The following LPAR5 variants were observed in gnomAD, a reference collection of about 807,000 sequenced individuals.
LPAR5 encodes G protein-coupled receptor 92.
For synonymous variants in LPAR5, 271 were observed against 261.6 expected, an observed-to-expected ratio of 1.04 and a Z score of -0.35; for missense variants, 544 against 521.8, an observed-to-expected ratio of 1.04 and a Z score of -0.41.
Position 6,620,104 on chromosome 12 carries a change from C to A in LPAR5, c.*26G>T. 1 of 1,613,344 alleles carries A rather than the reference C, an allele frequency of 6.2e-7. No homozygotes were observed. The highest frequency in any genetic ancestry group is 8.5e-7 in the Non-Finnish European group (1 of 1,179,766). Reference sequence around the variant, plus strand: ...AGAACGAGAGGCGTTGGGAGTCGGGCACGGACAGCGCAATGGCATGTGTGT... The same window carrying A: ...AGAACGAGAGGCGTTGGGAGTCGGGAACGGACAGCGCAATGGCATGTGTGT... On this transcript the variant is annotated 3_prime_UTR_variant, in exon 2 of 2. Transcript: ENST00000329858. The surrounding 1 kb of genome is among the most constrained non-coding windows in gnomAD (Gnocchi z 6.8).
chr12:6,631,138 C>T (rs1334861296), intron 1 of LPAR5, among the ~76,000 whole-genome samples: 1 of 152,126 alleles, frequency 6.6e-6, no homozygotes, highest in Admixed American at 6.5e-5. Flanking sequence ...CATGGAGGCC[C>T]CCATAGGCTG....
At chr12:6,633,374 G>T (rs1948992729) in intron 1 of LPAR5, among the ~76,000 whole-genome samples, 1 of 151,650 alleles carries the variant, frequency 6.6e-6, no homozygotes, top group African/African-American at 2.4e-5. Flanking sequence ...ACTGGCTTCA[G>T]CCCTCACTGC....
chr12:6,620,528 C>G lies in LPAR5; in HGVS notation c.721G>C (p.Val241Leu). 22 of 1,575,942 alleles carry G rather than the reference C, an allele frequency of 1.4e-5. No homozygotes were observed. The highest frequency in any genetic ancestry group is 1.9e-5 in the Non-Finnish European group (22 of 1,161,346). ...GGCACGAAGCACAGCAGGAAGATGA[C>G]GAGGTTAGCCAGCAGGAGGCGCACG... is the stretch of plus-strand genomic sequence containing the variant. ...KTVRLLLANLVIFLLCFVPYN... is the reference protein window; with the variant it reads ...KTVRLLLANLLIFLLCFVPYN... Residue 241 changes from valine (V) to leucine (L), a missense_variant, in exon 2 of 2, where the codon GTC becomes CTC. By Grantham distance (32) the Val-to-Leu change is conservative. Coordinates refer to ENST00000329858, the MANE Select transcript of LPAR5 (RefSeq NM_020400.6). This position sits in a 1 kb window ranked among gnomAD's most constrained non-coding sequence, Gnocchi z 6.8.
rs1335153166 is a variant in LPAR5, at chr12:6,620,238, G to A, written c.1011C>T (p.Val337=). The A allele has an allele frequency of 2.5e-6, 4 of 1,611,466 alleles. No homozygotes were observed. Among genetic ancestry groups the A allele is most frequent in the Middle Eastern group, 1.7e-4 (1 of 6,056 alleles). Residue 337 remains valine (V), a synonymous_variant, in exon 2 of 2, where the codon GTC becomes GTT. Transcript: ENST00000329858. The surrounding 1 kb of genome is among the most constrained non-coding windows in gnomAD (Gnocchi z 6.8). Reference sequence around the variant, plus strand: ...CATCCGGCCTGGTGGCGTCGGTGGTGACGGCGGACCTTTCGGATTGCGCGA... The same window carrying A: ...CATCCGGCCTGGTGGCGTCGGTGGTAACGGCGGACCTTTCGGATTGCGCGA... ...AALAQSERSA[V]TTDATRPDAA...
At chr12:6,625,601 T>C (rs1592299435) in intron 1 of LPAR5, among the ~76,000 whole-genome samples, 2 of 150,772 alleles carry the variant, frequency 1.3e-5, no homozygotes, top group Admixed American at 1.3e-4. Flanking sequence ...TGGGCGCCTG[T>C]AGTCCCAGTT....
At chr12:6,630,184 C>T (rs1948972329) in intron 1 of LPAR5, among the ~76,000 whole-genome samples, 1 of 150,598 alleles carries the variant, frequency 6.6e-6, no homozygotes, top group African/African-American at 2.4e-5. Flanking sequence ...AGTGCAGTAT[C>T]ACAATCTTGG....
Position 6,619,912 on chromosome 12 carries a change from G to A in LPAR5, c.*218C>T. 1.4e-6 allele frequency: 1 copy of A among 727,268 alleles called. No individual in the cohort carries two copies. The highest frequency in any genetic ancestry group is 2.5e-6 in the Non-Finnish European group (1 of 407,814). 45.1% of individuals were successfully genotyped at this position (727,268 alleles called of 1,614,324 possible). A position where few individuals can be genotyped will look rare whatever the true frequency, so the allele number is the denominator to read the frequency against. On this transcript the variant is annotated 3_prime_UTR_variant, in exon 2 of 2. Transcript: ENST00000329858. ...GCATCACTTCCCACCGCTGGAGAAG[G>A]GGTGCTCTGCGTGCTCACAGTTTAA...
At chr12:6,622,583 T>C (rs1024755862) in intron 1 of LPAR5, among the ~76,000 whole-genome samples, 2 of 141,404 alleles carry the variant, frequency 1.4e-5, no homozygotes, top group African/African-American at 5.3e-5. Flanking sequence ...ATCCTGTCTC[T>C]ACTAAAAAAA....
intron 1 of LPAR5, among the ~76,000 whole-genome samples, chr12:6,630,433 CTTTTTTTTTTTTTTTTTTT>C (rs34529805): frequency 2.9e-4 from 12 of 41,752 alleles, no homozygotes; most frequent in South Asian, 1.1e-3. Context: ...CCCAGCCCAT[CTTTTTTTTTTTTTTTTTTT>C]TTTTTTTTTT....
At position 6,620,930 on chromosome 12, in the gene LPAR5, C is replaced by T. The variant is rs771597008; in HGVS notation, c.319G>A (p.Gly107Ser). 31 of 1,607,750 alleles carry T rather than the reference C, an allele frequency of 1.9e-5. No homozygotes were observed. Among genetic ancestry groups the T allele is most frequent in the Non-Finnish European group, 2.5e-5 (30 of 1,177,354 alleles). The change falls in exon 2 of 2, where the codon GGC (glycine) becomes AGC (serine). Residue 107 changes from glycine to serine, a missense_variant. Transcript: ENST00000329858. This position sits in a 1 kb window ranked among gnomAD's most constrained non-coding sequence, Gnocchi z 6.8. ...TGAIFQMNMY[G>S]SCIFLMLINV... is the part of the protein sequence containing the mutation. ...ATGAGCATCAGGAAGATGCAGCTGC[C>T]GTACATGTTCATCTGGAAGATGGCG...
rs1256695379 is a variant in LPAR5 at position 6,625,982 on chromosome 12, G to A, written c.-216-4518C>T. On this transcript the variant is annotated intron_variant, in intron 1 of 1. Coordinates refer to ENST00000329858, the MANE Select transcript of LPAR5 (RefSeq NM_020400.6). ...TCCCTGGCTAATTTTTAAATTTTTTGTAGATGGCCAGGGGCAGTGGCTCAT... is the reference window on the plus strand; with the variant it reads ...TCCCTGGCTAATTTTTAAATTTTTTATAGATGGCCAGGGGCAGTGGCTCAT... Among the ~76,000 whole-genome samples, 5 of 152,034 alleles carry A rather than the reference G, an allele frequency of 3.3e-5. No homozygotes were observed. In the East Asian group the frequency reaches 9.7e-4, roughly 30 times the overall value.
chr12:6,633,912 C>A (rs768439309), intron 1 of LPAR5, among the ~76,000 whole-genome samples: 6 of 152,154 alleles, frequency 3.9e-5, no homozygotes, highest in Admixed American at 6.6e-5. Context: ...TCACCTCAAT[C>A]CCTGCCTCCA....
At chr12:6,625,517 C>G (rs1190462249) in intron 1 of LPAR5, among the ~76,000 whole-genome samples, 1 of 146,394 alleles carries the variant, frequency 6.8e-6, no homozygotes, top group South Asian at 2.2e-4. Flanking sequence ...GTGAGGAGAT[C>G]GAGACCATCC....
intron 1 of LPAR5, among the ~76,000 whole-genome samples, chr12:6,630,477 C>T (rs1308415473): frequency 2.4e-5 from 2 of 83,560 alleles, no homozygotes; most frequent in Non-Finnish European, 4.8e-5. Flanking sequence ...TTTTTTGAGA[C>T]GGAGTCTCCC....
intron 1 of LPAR5, among the ~76,000 whole-genome samples, chr12:6,634,830 C>G (rs1362620835): frequency 6.7e-6 from 1 of 149,882 alleles, no homozygotes; most frequent in Admixed American, 6.7e-5. Flanking sequence ...TGGCTTATGC[C>G]TGTAATCCCA....
At chr12:6,632,502 A>G (rs1948986067) in intron 1 of LPAR5, among the ~76,000 whole-genome samples, 2 of 152,030 alleles carry the variant, frequency 1.3e-5, no homozygotes. Context: ...AGCGAAGCCT[A>G]CTTCCTCTGC....
At chr12:6,626,509 A>C (rs1380603734) in intron 1 of LPAR5, among the ~76,000 whole-genome samples, 2 of 152,264 alleles carry the variant, frequency 1.3e-5, no homozygotes, top group Non-Finnish European at 2.9e-5. Flanking sequence ...TAAAGGGAAT[A>C]AAGAAATACT....
chr12:6,619,917 C>T lies in LPAR5; in HGVS notation c.*213G>A, dbSNP rs1218687513. On this transcript the variant is annotated 3_prime_UTR_variant, in exon 2 of 2. Transcript: ENST00000329858. ...ACTTCCCACCGCTGGAGAAGGGGTG[C>T]TCTGCGTGCTCACAGTTTAAAGAAG... is the stretch of plus-strand genomic sequence containing the variant. The T allele has an allele frequency of 4.1e-6, 3 of 734,806 alleles. No individual in the cohort carries two copies. Among genetic ancestry groups the T allele is most frequent in the Non-Finnish European group, 7.2e-6 (3 of 414,202 alleles). The allele number at this position is 734,806 out of a possible 1,614,324, so 45.5% of individuals were successfully genotyped here. A position where few individuals can be genotyped will look rare whatever the true frequency, so the allele number is the denominator to read the frequency against.
At chr12:6,632,003 G>A (rs757308064) in intron 1 of LPAR5, among the ~76,000 whole-genome samples, 4 of 151,572 alleles carry the variant, frequency 2.6e-5, no homozygotes, top group Non-Finnish European at 5.9e-5. Context: ...ACGGAGTCTC[G>A]CACTGTCGCC....
Sources: allele counts gnomAD v4.1 joint callset (sites outside exome capture counted in the v4.1 genomes callset), GRCh38; gene constraint gnomAD v4.1.1; non-coding constraint Gnocchi (gnomAD v3.1); transcripts MANE v1.5; gene names NCBI Gene and HGNC (gene_info 2026-07-23, HGNC 2026-07-21).